EIF4G3: variants seen among roughly 807,000 people sequenced by gnomAD.
EIF4G3 encodes the protein eIF-4-gamma 3.
EIF4G3 carries 34 observed loss-of-function variants against 186.4 expected under a neutral mutation model. The observed-to-expected ratio is 0.18, with a 90% CI of 0.14 to 0.24. The LOEUF (loss-of-function observed/expected upper bound fraction) is 0.24, where lower values mean the gene tolerates loss of function less well. EIF4G3 is among the 10% of genes least tolerant of loss of function. EIF4G3 has a pLI of 1.00. For synonymous variants in EIF4G3, 673 were observed against 679.5 expected (o/e 0.99, Z 0.15); for missense variants, 1,536 against 1,948.5 (o/e 0.79, Z 3.99).
intron 7 of EIF4G3, among the ~76,000 whole-genome samples, chr1:20,990,827 T>C (rs774881623): frequency 6.6e-6 from 1 of 152,246 alleles, no homozygotes; most frequent in Non-Finnish European, 1.5e-5. Context: ...TTTGCTTGAT[T>C]GTCGTGGTCT....
chr1:20,963,373 C>T (rs1008465381), intron 12 of EIF4G3, among the ~76,000 whole-genome samples: 11 of 131,972 alleles, frequency 8.3e-5, no homozygotes, highest in African/African-American at 2.9e-4. Flanking sequence ...CAAGGGTCAA[C>T]TGTAATTAAT....
At chr1:21,155,570 C>A in intron 2 of EIF4G3, among the ~76,000 whole-genome samples, 1 of 152,060 alleles carries the variant, frequency 6.6e-6, no homozygotes, top group East Asian at 1.9e-4. Context: ...GTGCCTCACA[C>A]CTCTAATCTC....
chr1:21,091,094 C>T (rs1389881805), intron 2 of EIF4G3, among the ~76,000 whole-genome samples: 1 of 152,164 alleles, frequency 6.6e-6, no homozygotes, highest in Non-Finnish European at 1.5e-5. Flanking sequence ...TTTCTCAAAA[C>T]ATGTACTGTT....
intron 2 of EIF4G3, among the ~76,000 whole-genome samples, chr1:21,174,414 G>A (rs1039196048): frequency 6.6e-6 from 1 of 152,156 alleles, no homozygotes; most frequent in Non-Finnish European, 1.5e-5. Flanking sequence ...CAGCACTGTG[G>A]TCCTTACTAC....
chr1:21,117,581 A>G (rs978179506), intron 2 of EIF4G3, among the ~76,000 whole-genome samples: 2 of 151,890 alleles, frequency 1.3e-5, no homozygotes, highest in African/African-American at 4.8e-5. Flanking sequence ...TTGCTGCTGC[A>G]AAGTATGAAT....
chr1:20,825,794 A>T (rs922712237), intron 32 of EIF4G3, among the ~76,000 whole-genome samples: 2 of 152,238 alleles, frequency 1.3e-5, no homozygotes, highest in African/African-American at 4.8e-5. Flanking sequence ...GGAGGCTTAA[A>T]GCAGTTGTTG....
chr1:21,175,469 G>C (rs967449911), intron 2 of EIF4G3: 1 of 152,176 alleles, frequency 6.6e-6, no homozygotes, highest in African/African-American at 2.4e-5. Context: ...CAAGAAGTGA[G>C]ACTTTTGTGG....
At chr1:21,041,653 G>T (rs1018849602) in intron 4 of EIF4G3, among the ~76,000 whole-genome samples, 1 of 152,192 alleles carries the variant, frequency 6.6e-6, no homozygotes, top group Non-Finnish European at 1.5e-5. Context: ...GCAGTGAAGA[G>T]AAATGGAAAT....
At chr1:20,834,608 A>G (rs111674908) in intron 30 of EIF4G3, among the ~76,000 whole-genome samples, 91 of 152,332 alleles carry the variant, frequency 6.0e-4, no homozygotes, top group African/African-American at 2.1e-3. Context: ...ATGAGACAAA[A>G]AGGACATTAA....
Position 21,067,131 on chromosome 1 carries a change from C to CTT in EIF4G3, c.-195-16139_-195-16138dup, listed in dbSNP as rs1392802757. ...ACATATTAAGTAATTTTTTTCTTTTCTTTTTTTTTTTTTTTTTTGAGACGG... is the reference window on the plus strand; with the variant it reads ...ACATATTAAGTAATTTTTTTCTTTTCTTTTTTTTTTTTTTTTTTTTGAGACGG... On this transcript the variant is annotated intron_variant, in intron 3 of 36. Transcript: ENST00000602326. 3.0e-3 allele frequency among the ~76,000 whole-genome samples: 373 copies of CTT among 122,600 alleles called. 3 individuals are homozygous for CTT. The highest frequency in any genetic ancestry group is 3.9e-3 in the Non-Finnish European group (230 of 59,342). The allele number at this position is 122,600 out of a possible 152,430, so 80.4% of individuals were successfully genotyped here. A position where few individuals can be genotyped will look rare whatever the true frequency, so the allele number is the denominator to read the frequency against.
At chr1:21,099,705 A>G (rs900960071) in intron 2 of EIF4G3, among the ~76,000 whole-genome samples, 3 of 152,238 alleles carry the variant, frequency 2.0e-5, no homozygotes, top group Admixed American at 6.5e-5. Context: ...TTGAAGGAAT[A>G]TAACAGGGTA....
intron 4 of EIF4G3, among the ~76,000 whole-genome samples, chr1:21,017,504 T>A (rs6700059): frequency 0.33 from 50,624 of 151,446 alleles, 9,200 homozygotes; most frequent in Non-Finnish European, 0.41. Flanking sequence ...GGCGGGCACC[T>A]GTAGTTCCAG....
chr1:21,172,631 C>G (rs1573794193), intron 2 of EIF4G3, among the ~76,000 whole-genome samples: 1 of 152,144 alleles, frequency 6.6e-6, no homozygotes, highest in East Asian at 1.9e-4. Flanking sequence ...TCACTGCAAT[C>G]TCCGCCTCGC....
intron 4 of EIF4G3, among the ~76,000 whole-genome samples, chr1:21,029,094 T>G (rs896576050): frequency 1.3e-5 from 2 of 152,104 alleles, no homozygotes; most frequent in Non-Finnish European, 2.9e-5. Context: ...CCCGGCTCAC[T>G]GCAACCTCCA....
At chr1:21,174,159 G>GT (rs2098051324) in intron 2 of EIF4G3, among the ~76,000 whole-genome samples, 1 of 152,160 alleles carries the variant, frequency 6.6e-6, no homozygotes, top group Non-Finnish European at 1.5e-5. Context: ...CCACACAAAA[G>GT]TAAGTGTTCC....
rs144209518 is a variant in EIF4G3, at chr1:21,017,941, A to G, written c.-66-15133T>C. On this transcript the variant is annotated intron_variant, in intron 4 of 36. Coordinates refer to ENST00000602326, the MANE Select transcript of EIF4G3 (RefSeq NM_001391906.1). ...GAAGATACACAGTGTTGACAATTAC[A>G]TATTTTTTTTTCCTTGAGACAAGGT... 1.5e-3 allele frequency among the ~76,000 whole-genome samples: 234 copies of G among 151,988 alleles called. 1 individual carries two copies. Among genetic ancestry groups the G allele is most frequent in the African/African-American group, 5.4e-3 (224 of 41,426 alleles).
chr1:21,035,631 T>C (rs1025096966), intron 4 of EIF4G3, among the ~76,000 whole-genome samples: 3 of 152,178 alleles, frequency 2.0e-5, no homozygotes, highest in South Asian at 2.1e-4. Context: ...CTCCAAACTT[T>C]GGGTGCCAAA....
intron 33 of EIF4G3, among the ~76,000 whole-genome samples, chr1:20,824,527 T>TA (rs749610972): frequency 6.6e-6 from 1 of 152,214 alleles, no homozygotes; most frequent in Non-Finnish European, 1.5e-5. Context: ...GTTTTATGGT[T>TA]ACCTCAACCT....
At chr1:20,809,845 C>T (rs1160066212) in intron 36 of EIF4G3, among the ~76,000 whole-genome samples, 2 of 152,216 alleles carry the variant, frequency 1.3e-5, no homozygotes, top group African/African-American at 4.8e-5. Flanking sequence ...GATTACCATA[C>T]TCAATGGTAT....
Sources: gnomAD v4.1 joint callset for allele counts (sites outside exome capture counted in the v4.1 genomes callset) on GRCh38, gnomAD v4.1.1 for gene constraint, MANE v1.5 for transcripts, NCBI Gene and HGNC (gene_info 2026-07-23, HGNC 2026-07-21) for gene names.